The following USP8 variants were observed in gnomAD, a reference collection of about 807,000 sequenced individuals.
USP8 encodes the protein ubiquitin specific peptidase 8.
In USP8, 27 loss-of-function variants were observed where a neutral mutation model predicts 130.0. That is an observed-to-expected ratio of 0.21 (90% CI 0.15 to 0.29). USP8 has a LOEUF of 0.29. Ranked by LOEUF, USP8 falls within the 10% of genes least tolerant of loss-of-function variation. USP8 has a pLI of 1.00. For missense variants in USP8, 1,029 were observed against 1,312.2 expected (o/e 0.78, Z 3.33); for synonymous variants, 392 against 444.1 (o/e 0.88, Z 1.48).
At chr15:50,431,863 T>G (rs565676790) in intron 1 of USP8, among the ~76,000 whole-genome samples, 12 of 151,868 alleles carry the variant, frequency 7.9e-5, no homozygotes, top group Non-Finnish European at 1.3e-4. Context: ...TCCATATTGG[T>G]CAGGCTGGTC....
intron 8 of USP8, among the ~76,000 whole-genome samples, chr15:50,473,473 AT>A (rs1167995935): frequency 1.3e-5 from 2 of 152,062 alleles, no homozygotes; most frequent in African/African-American, 4.8e-5. Flanking sequence ...CTAACTATAT[AT>A]TTTTTAAATT....
intron 4 of USP8, chr15:50,458,678 A>G (rs145910057): frequency 8.2e-5 from 17 of 207,896 alleles, no homozygotes; most frequent in African/African-American, 3.8e-4. Context: ...CTTTTGCAGA[A>G]AAAATTAGGA....
intron 1 of USP8, among the ~76,000 whole-genome samples, chr15:50,435,069 A>T (rs2050055405): frequency 6.6e-6 from 1 of 152,190 alleles, no homozygotes; most frequent in African/African-American, 2.4e-5. Context: ...TATTTTTTTT[A>T]AACGATTGTA....
intron 16 of USP8, 103 bp from the exon 17 acceptor site, chr15:50,495,745 A>G: frequency 1.1e-6 from 1 of 879,094 alleles, no homozygotes; most frequent in Non-Finnish European, 1.7e-6. Context: ...TGAGAACTAC[A>G]GGTGTTTCTA....
intron 6 of USP8, 45 bp from the exon 7 acceptor site, chr15:50,465,002 C>A: frequency 1.2e-6 from 2 of 1,603,242 alleles, no homozygotes; most frequent in Non-Finnish European, 1.7e-6. Context: ...GTCAGCACAT[C>A]TTGTGCTGTT....
intron 17 of USP8, 60 bp from the exon 18 acceptor site, chr15:50,497,029 T>C: frequency 1.3e-6 from 2 of 1,545,510 alleles, no homozygotes; most frequent in Middle Eastern, 2.3e-4. Flanking sequence ...AAATAGGTGC[T>C]CTCTGACATT....
At chr15:50,458,856 C>A in intron 4 of USP8, 144 bp from the exon 5 acceptor site, 1 of 884,316 alleles carries the variant, frequency 1.1e-6, no homozygotes, top group Non-Finnish European at 1.7e-6. Context: ...CCTCAGGTGG[C>A]AGATGTGTGA....
rs1361249867 is a variant in USP8 at position 50,510,317 on chromosome 15, G to A, written c.*11229G>A. ...ATCTTTGTAATTCCAGGGTTGGAAA[G>A]GATTTCTTAAATGAGACACAGAAAA... On this transcript the variant is annotated 3_prime_UTR_variant, in exon 20 of 20. Transcript: ENST00000307179. The A allele has an allele frequency of 6.6e-6, 1 of 152,142 alleles. No homozygotes were observed. Among genetic ancestry groups the A allele is most frequent in the Non-Finnish European group, 1.5e-5 (1 of 68,026 alleles). The allele number at this position is 152,142 out of a possible 1,614,324, so 9.4% of individuals were successfully genotyped here.
intron 4 of USP8, among the ~76,000 whole-genome samples, 157 bp from the exon 5 acceptor site, chr15:50,458,843 T>C (rs1163269916): frequency 6.6e-6 from 1 of 152,192 alleles, no homozygotes; most frequent in East Asian, 1.9e-4. Flanking sequence ...AATCTACAGA[T>C]GGCCTCAGGT....
At chr15:50,430,303 C>T (rs960939496) in intron 1 of USP8, among the ~76,000 whole-genome samples, 8 of 152,036 alleles carry the variant, frequency 5.3e-5, no homozygotes, top group Admixed American at 2.0e-4. Flanking sequence ...GCCGAGATTG[C>T]GCCACTGCTC....
chr15:50,472,760 A>T (rs1185407991), intron 8 of USP8, among the ~76,000 whole-genome samples: 1 of 152,080 alleles, frequency 6.6e-6, no homozygotes, highest in Non-Finnish European at 1.5e-5. Context: ...AAAACAAAAA[A>T]TTAGTCGGGC....
Position 50,510,031 on chromosome 15 carries a change from GAATT to G in USP8, c.*10948_*10951del, listed in dbSNP as rs1351396516. The G allele has an allele frequency of 7.9e-5, 12 of 152,012 alleles. No homozygotes were observed. Among genetic ancestry groups the G allele is most frequent in the South Asian group, 2.1e-4 (1 of 4,814 alleles). The allele number at this position is 152,012 out of a possible 1,614,324, so 9.4% of individuals were successfully genotyped here. ...AATTAATATTCATAAGCTAAATTAAGAATTAATTCAATATTAATTTAATAAATTT... is the reference window on the plus strand; with the variant it reads ...AATTAATATTCATAAGCTAAATTAAGAATTCAATATTAATTTAATAAATTT... On this transcript the variant is annotated 3_prime_UTR_variant, in exon 20 of 20. Coordinates refer to ENST00000307179, the MANE Select transcript of USP8 (RefSeq NM_005154.5).
In USP8 at chr15:50,489,825, G is replaced by A. The variant is rs1352764348; in HGVS notation, c.1915G>A (p.Ala639Thr). 6.4e-7 allele frequency: 1 copy of A among 1,571,728 alleles called. No homozygotes were observed. Among genetic ancestry groups the A allele is most frequent in the Non-Finnish European group, 8.6e-7 (1 of 1,158,954 alleles). ...NKAQREPLTR[A>T]RSEEMGRIVP... is the part of the protein sequence containing the mutation. ...GGCTCAACGAGAACCTTTGACAAGA[G>A]CACGAAGTGAAGAAATGGGGAGGAT... The change falls in exon 13 of 20, where the codon GCA (alanine) becomes ACA (threonine). Residue 639 changes from alanine to threonine, a missense_variant. Transcript: ENST00000307179.
At chr15:50,435,114 C>G (rs1488553847) in intron 1 of USP8, among the ~76,000 whole-genome samples, 1 of 152,044 alleles carries the variant, frequency 6.6e-6, no homozygotes, top group South Asian at 2.1e-4. Context: ...TTCAGTCATT[C>G]TAGTCAATAT....
In USP8 at chr15:50,477,366, T is replaced by C. The variant is rs776889830; in HGVS notation, c.1085T>C (p.Ile362Thr). 5 of 1,614,126 alleles carry C rather than the reference T, an allele frequency of 3.1e-6. No individual in the cohort carries two copies. Among genetic ancestry groups the C allele is most frequent in the Admixed American group, 3.3e-5 (2 of 60,002 alleles). ...PPASIEVDEN[I>T]ELISGQNERM... ...GCATCTATAGAAGTAGATGAAAATATAGAATTGATAAGTGGTCAAAATGAG... is the reference window on the plus strand; with the variant it reads ...GCATCTATAGAAGTAGATGAAAATACAGAATTGATAAGTGGTCAAAATGAG... Residue 362 changes from isoleucine (I) to threonine (T), a missense_variant, in exon 10 of 20, where the codon ATA becomes ACA. Ile to Thr is a moderately conservative substitution (Grantham distance 89). Transcript: ENST00000307179.
rs536609594 is a variant in USP8, at chr15:50,479,191, C to G, written c.1218+1692C>G. ...AATATCATAATTGCTCTACAAGGCA[C>G]TGGAGCACAGAGCAAGGAGAATATT... On this transcript the variant is annotated intron_variant, in intron 10 of 19. Transcript: ENST00000307179. Among the ~76,000 whole-genome samples, 19 of 152,320 alleles carry G rather than the reference C, an allele frequency of 1.2e-4. 1 individual carries two copies. In the South Asian group the frequency reaches 3.5e-3, roughly 28 times the overall value.
chr15:50,438,952 C>T (rs1231511676), intron 1 of USP8, 57 bp from the exon 2 acceptor site: 2 of 680,884 alleles, frequency 2.9e-6, no homozygotes, highest in African/African-American at 1.9e-5. Context: ...TTTTAAACTG[C>T]TCACTTGTTT....
At position 50,510,322 on chromosome 15, in the gene USP8, T is replaced by A. The variant is rs189339745; in HGVS notation, c.*11234T>A. 9.8e-5 allele frequency: 15 copies of A among 152,288 alleles called. No individual in the cohort carries two copies. 9.4% of individuals were successfully genotyped at this position (152,288 alleles called of 1,614,324 possible). A position where few individuals can be genotyped will look rare whatever the true frequency, so the allele number is the denominator to read the frequency against. On this transcript the variant is annotated 3_prime_UTR_variant, in exon 20 of 20. Transcript: ENST00000307179. ...TGTAATTCCAGGGTTGGAAAGGATT[T>A]CTTAAATGAGACACAGAAAAGGACT... is the stretch of plus-strand genomic sequence containing the variant.
intron 18 of USP8, among the ~76,000 whole-genome samples, chr15:50,498,012 G>A (rs2052482065): frequency 6.6e-6 from 1 of 152,064 alleles, no homozygotes; most frequent in African/African-American, 2.4e-5. Context: ...TCCTAGTTGA[G>A]GATTCTGGAA....
Sources: allele counts gnomAD v4.1 joint callset (sites outside exome capture counted in the v4.1 genomes callset), GRCh38; gene constraint gnomAD v4.1.1; transcripts MANE v1.5; gene names NCBI Gene and HGNC (gene_info 2026-07-23, HGNC 2026-07-21).